Variants in RTF1 observed in about 807,000 individuals in gnomAD.
RTF1 encodes RTF1 homolog, Paf1/RNA polymerase II complex component.
Under a neutral mutation model 95.7 loss-of-function variants are expected in RTF1, and 10 were observed. The ratio of observed to expected loss-of-function variants is 0.10; its 90% CI spans 0.06 to 0.18. The LOEUF is 0.18. Among genes scored for constraint, RTF1 ranks in the 10% least tolerant of loss-of-function variants. The probability of loss-of-function intolerance (pLI) is 1.00; values close to 1 mark genes in which losing one functional copy is unlikely to be tolerated. For missense variants in RTF1, 458 were observed against 875.6 expected (o/e 0.52, Z 6.02); for synonymous variants, 305 against 311.8 (o/e 0.98, Z 0.23).
At chr15:41,466,114 C>T (rs2140964757) in intron 5 of RTF1, 27 bp from the exon 6 acceptor site, 1 of 1,433,432 alleles carries the variant, frequency 7.0e-7, no homozygotes, top group Non-Finnish European at 9.4e-7. Context: ...GTAAAAAGGG[C>T]CATTCTATAT....
Position 41,483,421 on chromosome 15 carries a change from T to C in RTF1, c.*2734T>C, listed in dbSNP as rs1176385636. On this transcript the variant is annotated 3_prime_UTR_variant, in exon 18 of 18. Transcript: ENST00000389629. Reference sequence around the variant, plus strand: ...CATAATGTTTATAGGTCTGTTTGTCTGTCTTGCTTCTGGCAGGTGTAGGGA... The same window carrying C: ...CATAATGTTTATAGGTCTGTTTGTCCGTCTTGCTTCTGGCAGGTGTAGGGA... The C allele has an allele frequency of 6.6e-6, 1 of 152,448 alleles. No individual in the cohort carries two copies. Among genetic ancestry groups the C allele is most frequent in the Non-Finnish European group, 1.5e-5 (1 of 68,040 alleles). The allele number at this position is 152,448 out of a possible 1,614,324, so 9.4% of individuals were successfully genotyped here.
At chr15:41,478,883 T>C (rs571190254) in intron 15 of RTF1, 5 of 605,002 alleles carry the variant, frequency 8.3e-6, no homozygotes, top group Non-Finnish European at 1.5e-5. Context: ...CAGACATTAG[T>C]AATGTGTCCC....
intron 2 of RTF1, among the ~76,000 whole-genome samples, chr15:41,447,376 G>A (rs1490009939): frequency 5.3e-5 from 8 of 151,980 alleles, no homozygotes; most frequent in African/African-American, 1.2e-4. Flanking sequence ...TTTCAGTTGC[G>A]TGCCCAGAAG....
chr15:41,434,144 CT>C (rs58239721), intron 1 of RTF1, among the ~76,000 whole-genome samples: 33,388 of 136,096 alleles, frequency 0.25, 4,093 homozygotes, highest in Non-Finnish European at 0.26. Context: ...CACGCCTGGC[CT>C]TTTTTTTTTT....
chr15:41,478,474 T>C (rs1595441780), intron 14 of RTF1, 74 bp from the exon 15 acceptor site: 1 of 1,087,036 alleles, frequency 9.2e-7, no homozygotes, highest in Admixed American at 1.9e-5. Context: ...CAAAGACTTA[T>C]TTGCCTGTGA....
intron 1 of RTF1, among the ~76,000 whole-genome samples, chr15:41,427,095 C>G (rs538999643): frequency 2.5e-4 from 38 of 150,040 alleles, no homozygotes; most frequent in African/African-American, 9.1e-4. Flanking sequence ...CCACCTTGGC[C>G]TCCCAAAGTG....
At chr15:41,468,368 AG>A (rs2050891209) in intron 6 of RTF1, among the ~76,000 whole-genome samples, 1 of 151,578 alleles carries the variant, frequency 6.6e-6, no homozygotes, top group Non-Finnish European at 1.5e-5. Context: ...CCCAGGTTGG[AG>A]TGCAGTGGCG....
rs181130020 is a variant in RTF1, at chr15:41,469,079, C to T, written c.890-1178C>T. Among the ~76,000 whole-genome samples the T allele has an allele frequency of 3.9e-4, 60 of 152,104 alleles. No individual in the cohort carries two copies. In the East Asian group the frequency reaches 0.01, roughly 26 times the overall value. On this transcript the variant is annotated intron_variant, in intron 6 of 17. Coordinates refer to ENST00000389629, the MANE Select transcript of RTF1 (RefSeq NM_015138.5). ...CACCTCCCGGGTTCAAGCGATTCTC[C>T]CACCTCAGCCTCTTGAGTAGCTGAG... is the stretch of plus-strand genomic sequence containing the variant.
rs1484148398 is a variant in RTF1, at chr15:41,471,057, C to T, written c.1026-115C>T. ...CTTTGCTGGTGCTTCATTTACTTCT[C>T]CTCCTAGGCCAGTCACATGTACTTT... On this transcript the variant is annotated intron_variant, in intron 7 of 17. Coordinates refer to ENST00000389629, the MANE Select transcript of RTF1 (RefSeq NM_015138.5). The T allele has an allele frequency of 2.6e-5, 24 of 940,946 alleles. No homozygotes were observed. The South Asian group carries it at 4.0e-4, about 16-fold the overall frequency. The allele number at this position is 940,946 out of a possible 1,614,324, so 58.3% of individuals were successfully genotyped here.
chr15:41,420,097 A>C (rs549259982), intron 1 of RTF1, among the ~76,000 whole-genome samples: 1 of 152,312 alleles, frequency 6.6e-6, no homozygotes, highest in African/African-American at 2.4e-5. Flanking sequence ...CTGGGATTAC[A>C]GGCATGAGCC....
rs1326402175 is a variant in RTF1 at position 41,482,610 on chromosome 15, AAC to A, written c.*1927_*1928del. The A allele has an allele frequency of 1.3e-5, 2 of 152,654 alleles. No individual in the cohort carries two copies. Among genetic ancestry groups the A allele is most frequent in the Admixed American group, 6.5e-5 (1 of 15,282 alleles). 9.5% of individuals were successfully genotyped at this position (152,654 alleles called of 1,614,324 possible). On this transcript the variant is annotated 3_prime_UTR_variant, in exon 18 of 18. Coordinates refer to ENST00000389629, the MANE Select transcript of RTF1 (RefSeq NM_015138.5). ...TTGTAAAATTGCTAAATATGACTGT[AAC>A]ACAGCTTTGTGGTAGCTGTGACACA...
Position 41,481,482 on chromosome 15 carries a change from T to C in RTF1, c.*795T>C, listed in dbSNP as rs747031245. The C allele has an allele frequency of 2.0e-5, 3 of 152,610 alleles. No homozygotes were observed. The highest frequency in any genetic ancestry group is 2.9e-5 in the Non-Finnish European group (2 of 68,038). 9.5% of individuals were successfully genotyped at this position (152,610 alleles called of 1,614,324 possible). On this transcript the variant is annotated 3_prime_UTR_variant, in exon 18 of 18. Transcript: ENST00000389629. ...CTGCTGTAGCTGTGTAACTTCCCCA[T>C]TCCCACCTACTCTTCCCATCCTTTC... is the stretch of plus-strand genomic sequence containing the variant.
chr15:41,442,194 G>GTC (rs1012148851), intron 2 of RTF1, among the ~76,000 whole-genome samples: 2 of 148,712 alleles, frequency 1.3e-5, no homozygotes, highest in Non-Finnish European at 3.0e-5. Flanking sequence ...TTGAGATGGA[G>GTC]TCTCTCTCTG....
chr15:41,474,906 T>C (rs1048252705), intron 9 of RTF1, among the ~76,000 whole-genome samples: 4 of 152,018 alleles, frequency 2.6e-5, no homozygotes, highest in African/African-American at 9.7e-5. Flanking sequence ...GAACCAAATA[T>C]ATGAAGGGGT....
intron 2 of RTF1, among the ~76,000 whole-genome samples, chr15:41,446,609 TC>T (rs1397402170): frequency 6.6e-6 from 1 of 152,094 alleles, no homozygotes; most frequent in Non-Finnish European, 1.5e-5. Flanking sequence ...ATGTAGAACT[TC>T]CTGGTTTCTA....
intron 17 of RTF1, 118 bp downstream of exon 17, chr15:41,480,443 A>G (rs2050966317): frequency 1.0e-6 from 1 of 976,648 alleles, no homozygotes; most frequent in East Asian, 2.4e-5. Context: ...ATCAGCATCC[A>G]CAGGCCAGGC....
chr15:41,456,470 C>CAT (rs2050817166), intron 3 of RTF1, among the ~76,000 whole-genome samples: 1 of 141,036 alleles, frequency 7.1e-6, no homozygotes, highest in African/African-American at 2.7e-5. Context: ...GCCTGGGCGA[C>CAT]AGAGAGAGAC....
chr15:41,471,526 C>G (rs1002899337), intron 8 of RTF1, among the ~76,000 whole-genome samples, 177 bp downstream of exon 8: 4 of 152,198 alleles, frequency 2.6e-5, no homozygotes, highest in African/African-American at 7.2e-5. Flanking sequence ...GACTTGTTGC[C>G]AAGAGGAGGA....
In RTF1 at chr15:41,480,721, C is replaced by A. The variant is rs1262849746; in HGVS notation, c.*34C>A. 2.1e-6 allele frequency: 3 copies of A among 1,448,912 alleles called. No homozygotes were observed. Among genetic ancestry groups the A allele is most frequent in the East Asian group, 2.3e-5 (1 of 44,134 alleles). 89.8% of individuals were successfully genotyped at this position (1,448,912 alleles called of 1,614,324 possible). A position where few individuals can be genotyped will look rare whatever the true frequency, so the allele number is the denominator to read the frequency against. ...AGCCTGCTGCTTCTGACCCTGCATG[C>A]CCCATCGCAGCGTCCCACCTTTCCT... On this transcript the variant is annotated 3_prime_UTR_variant, in exon 18 of 18. Transcript: ENST00000389629.
Sources: allele counts gnomAD v4.1 joint callset (sites outside exome capture counted in the v4.1 genomes callset), GRCh38; gene constraint gnomAD v4.1.1; transcripts MANE v1.5; gene names NCBI Gene and HGNC (gene_info 2026-07-23, HGNC 2026-07-21).